RANBP2: variants seen among roughly 807,000 people sequenced by gnomAD.
RANBP2 encodes E3 SUMO-protein ligase RanBP2.
A neutral mutation model predicts 303.6 loss-of-function variants in RANBP2; 57 were observed. The ratio of observed to expected loss-of-function variants is 0.19; its 90% CI spans 0.15 to 0.23. RANBP2 has a LOEUF of 0.23. Among genes scored for constraint, RANBP2 ranks in the 10% least tolerant of loss-of-function variants. The pLI, the probability that RANBP2 is intolerant of heterozygous loss-of-function variation, is 1.00. For missense variants in RANBP2, 3,138 were observed against 3,780.8 expected, an observed-to-expected ratio of 0.83 and a Z score of 4.46; for synonymous variants, 1,167 against 1,301.5, an observed-to-expected ratio of 0.90 and a Z score of 2.23.
At chr2:108,825,664 A>G in the RANBP2 span, among the ~76,000 whole-genome samples, 1 of 152,328 alleles carries the variant, frequency 6.6e-6, no homozygotes, top group East Asian at 1.9e-4. Flanking sequence ...CAAATAATCT[A>G]TAATATAGAT....
At chr2:109,661,568 G>A in the RANBP2 span, among the ~76,000 whole-genome samples, 1 of 152,108 alleles carries the variant, frequency 6.6e-6, no homozygotes, top group African/African-American at 2.4e-5. Flanking sequence ...CTATGGGCCA[G>A]GAATGGGAGT....
chr2:109,693,733 G>A, the RANBP2 span, among the ~76,000 whole-genome samples: 13 of 152,178 alleles, frequency 8.5e-5, no homozygotes, highest in Admixed American at 2.0e-4. Context: ...TCGGCAGCAC[G>A]AAAGCAGAGT....
the RANBP2 span, among the ~76,000 whole-genome samples, chr2:109,226,050 T>C: frequency 1.3e-5 from 2 of 152,242 alleles, no homozygotes; most frequent in African/African-American, 2.4e-5. Flanking sequence ...GGCCTGACCC[T>C]GAACAACTTA....
the RANBP2 span, among the ~76,000 whole-genome samples, chr2:109,298,078 A>G: frequency 6.6e-6 from 1 of 152,134 alleles, no homozygotes; most frequent in East Asian, 1.9e-4. Context: ...GGAGGTGGGG[A>G]TCTGTCCCAC....
At chr2:109,182,776 T>A in the RANBP2 span, among the ~76,000 whole-genome samples, 1 of 152,254 alleles carries the variant, frequency 6.6e-6, no homozygotes, top group Non-Finnish European at 1.5e-5. Context: ...ATTTTAAAAT[T>A]AAAGTGTCAG....
chr2:108,911,264 C>T, the RANBP2 span, among the ~76,000 whole-genome samples: 18 of 152,100 alleles, frequency 1.2e-4, no homozygotes, highest in Non-Finnish European at 2.5e-4. Flanking sequence ...CAGGACTGCC[C>T]ACAGCCCTGC....
At chr2:108,846,168 A>G in the RANBP2 span, among the ~76,000 whole-genome samples, 1 of 152,136 alleles carries the variant, frequency 6.6e-6, no homozygotes, top group East Asian at 1.9e-4. Flanking sequence ...GCAATCAGCA[A>G]CTGAGAGAGT....
the RANBP2 span, among the ~76,000 whole-genome samples, chr2:109,241,300 C>T: frequency 6.6e-6 from 1 of 151,894 alleles, no homozygotes; most frequent in East Asian, 1.9e-4. Context: ...TAGTAATGGC[C>T]ATTATAAAAG....
the RANBP2 span, among the ~76,000 whole-genome samples, chr2:109,711,438 C>A: frequency 2.1e-4 from 32 of 152,294 alleles, 1 homozygote; most frequent in South Asian, 6.0e-3. Context: ...CTCTGCACAG[C>A]AGCCAGAAGA....
the RANBP2 span, chr2:109,615,668 G>T: frequency 1.2e-6 from 2 of 1,614,168 alleles, no homozygotes; most frequent in Non-Finnish European, 8.5e-7. Context: ...TCAAGAACCT[G>T]GTGGGAGCCC....
the RANBP2 span, among the ~76,000 whole-genome samples, chr2:108,794,137 A>G: frequency 1.3e-5 from 2 of 152,232 alleles, no homozygotes; most frequent in Non-Finnish European, 2.9e-5. Context: ...TTTAAGATTA[A>G]GTAGTGGAGA....
At chr2:108,752,060 T>A in intron 12 of RANBP2, 66 bp downstream of exon 12, 1 of 1,602,122 alleles carries the variant, frequency 6.2e-7, no homozygotes. Context: ...ATGAACTTTT[T>A]ATTGAAAGTT....
At chr2:108,797,369 T>C in the RANBP2 span, among the ~76,000 whole-genome samples, 1 of 152,228 alleles carries the variant, frequency 6.6e-6, no homozygotes, top group Admixed American at 6.5e-5. Context: ...TATAAAATGC[T>C]ATTGAGAGAA....
intron 18 of RANBP2, among the ~76,000 whole-genome samples, chr2:108,761,511 A>C (rs1423547082): frequency 6.6e-6 from 1 of 152,216 alleles, no homozygotes; most frequent in Admixed American, 6.5e-5. Flanking sequence ...CTGGTAAAAC[A>C]CACAAAACAG....
At chr2:109,151,113 G>T in the RANBP2 span, among the ~76,000 whole-genome samples, 1 of 152,230 alleles carries the variant, frequency 6.6e-6, no homozygotes, top group Non-Finnish European at 1.5e-5. Context: ...TGCATTTGGT[G>T]AGGGGTGGTG....
chr2:108,930,055 A>G, the RANBP2 span: 2 of 1,555,664 alleles, frequency 1.3e-6, no homozygotes, highest in Non-Finnish European at 1.7e-6. Context: ...GCTCAGGGCA[A>G]CAATGCCACA....
At chr2:109,176,024 T>C in the RANBP2 span, among the ~76,000 whole-genome samples, 1 of 152,236 alleles carries the variant, frequency 6.6e-6, no homozygotes, top group Non-Finnish European at 1.5e-5. Context: ...CTGCATGTTA[T>C]ATCCTTGAGA....
the RANBP2 span, among the ~76,000 whole-genome samples, chr2:108,835,972 G>A: frequency 0.014 from 2,142 of 152,248 alleles, 65 homozygotes; most frequent in South Asian, 0.082. Context: ...AAGAGCAGGA[G>A]AAAGGGAGCC....
At chr2:109,216,058 G>A in the RANBP2 span, among the ~76,000 whole-genome samples, 7 of 152,316 alleles carry the variant, frequency 4.6e-5, no homozygotes, top group Admixed American at 3.9e-4. Context: ...AGGTAAGACA[G>A]CCAAGCAGTC....
Sources: gnomAD v4.1 joint callset for allele counts (sites outside exome capture counted in the v4.1 genomes callset) on GRCh38, gnomAD v4.1.1 for gene constraint, MANE v1.5 for transcripts, NCBI Gene and HGNC (gene_info 2026-07-23, HGNC 2026-07-21) for gene names.